The following MUSK variants were observed in gnomAD, a reference collection of about 807,000 sequenced individuals.
MUSK encodes muscle, skeletal receptor tyrosine-protein kinase.
A neutral mutation model predicts 88.7 loss-of-function variants in MUSK; 55 were observed. The ratio of observed to expected loss-of-function variants is 0.62; its 90% confidence interval spans 0.50 to 0.78. The LOEUF (loss-of-function observed/expected upper bound fraction) is 0.78, where lower values mean the gene tolerates loss of function less well. Among genes scored for constraint, MUSK ranks in the 30% least tolerant of loss-of-function variants. MUSK has a pLI of 0.00. For missense variants in MUSK, 1,015 were observed against 1,074.3 expected (o/e 0.94, Z 0.77); for synonymous variants, 387 against 391.9 (o/e 0.99, Z 0.15).
At chr9:110,741,843 G>T (rs73655611) in intron 6 of MUSK, among the ~76,000 whole-genome samples, 2,437 of 152,148 alleles carry the variant, frequency 0.016, 64 homozygotes, top group African/African-American at 0.056. Context: ...GGTTGTAAAT[G>T]CCCCTCTTTA....
chr9:110,800,065 C>A (rs1395330983), intron 14 of MUSK, among the ~76,000 whole-genome samples: 3 of 152,132 alleles, frequency 2.0e-5, no homozygotes, highest in Non-Finnish European at 4.4e-5. Context: ...CAGCGCTCTG[C>A]TGGAAGTCCT....
Position 110,682,763 on chromosome 9 carries a change from C to G in MUSK, c.169C>G (p.Pro57Ala), listed in dbSNP as rs2076149293. ...GTGTGCAGTGGAATCCTACCCCCAG[C>G]CTGAGATTTCCTGGACTAGAAATAA... The part of the protein sequence containing the change: ...FMCAVESYPQ[P>A]EISWTRNKIL... The change falls in exon 2 of 15, where the codon CCT becomes GCT. Residue 57 changes from proline to alanine, a missense_variant. Physicochemically the swap from Pro to Ala is conservative, Grantham distance 27 (BLOSUM62 -1). Coordinates refer to ENST00000374448, the MANE Select transcript of MUSK (RefSeq NM_005592.4). 6.2e-7 allele frequency: 1 copy of G among 1,612,530 alleles called. No individual in the cohort carries two copies. Among genetic ancestry groups the G allele is most frequent in the East Asian group, 2.2e-5 (1 of 44,842 alleles).
At chr9:110,787,991 A>G (rs2077904496) in intron 14 of MUSK, 153 bp downstream of exon 14, 1 of 772,564 alleles carries the variant, frequency 1.3e-6, no homozygotes, top group Non-Finnish European at 2.2e-6. Context: ...GTCTATCCCA[A>G]CCCTATAGGA....
intron 5 of MUSK, among the ~76,000 whole-genome samples, chr9:110,716,974 GCT>G (rs1449987648): frequency 1.3e-5 from 2 of 149,208 alleles, no homozygotes; most frequent in Non-Finnish European, 3.0e-5. Flanking sequence ...GTTTTCCTGT[GCT>G]CTTTGTTTGG....
chr9:110,710,560 T>C (rs1048805705), intron 5 of MUSK, among the ~76,000 whole-genome samples: 1 of 152,134 alleles, frequency 6.6e-6, no homozygotes, highest in Non-Finnish European at 1.5e-5. Flanking sequence ...AGAACATAAA[T>C]CTACTTTCAA....
In MUSK at chr9:110,805,907, G is replaced by A. The variant is rs1378418645; in HGVS notation, c.*4919G>A. Among the ~76,000 whole-genome samples the A allele has an allele frequency of 6.6e-6, 1 of 151,738 alleles. No homozygotes were observed. Among genetic ancestry groups the A allele is most frequent in the East Asian group, 1.9e-4 (1 of 5,184 alleles). On this transcript the variant is annotated 3_prime_UTR_variant, in exon 15 of 15. Coordinates refer to ENST00000374448, the MANE Select transcript of MUSK (RefSeq NM_005592.4). ...GAGTTTTGTATTGGCATTAGCATTT[G>A]TATTAGCATTGTATTAGGAAAAACT...
At chr9:110,783,845 T>C (rs1424089476) in intron 11 of MUSK, among the ~76,000 whole-genome samples, 1 of 152,162 alleles carries the variant, frequency 6.6e-6, no homozygotes, top group East Asian at 1.9e-4. Flanking sequence ...AGCACAACTT[T>C]GGCTAAATAA....
intron 6 of MUSK, among the ~76,000 whole-genome samples, chr9:110,736,253 A>G (rs2077029009): frequency 6.6e-6 from 1 of 152,152 alleles, no homozygotes; most frequent in Non-Finnish European, 1.5e-5. Flanking sequence ...CATGTACCCC[A>G]TAAATATGTA....
intron 6 of MUSK, among the ~76,000 whole-genome samples, chr9:110,743,042 C>G (rs74938998): frequency 1.2e-4 from 18 of 152,126 alleles, no homozygotes; most frequent in African/African-American, 4.1e-4. Context: ...TGAACAAAGA[C>G]GAACGCAGAG....
chr9:110,778,325 G>A lies in MUSK; in HGVS notation c.1384+1670G>A, dbSNP rs186790384. Among the ~76,000 whole-genome samples, 125 of 152,080 alleles carry A rather than the reference G, an allele frequency of 8.2e-4. 1 individual carries two copies. The highest frequency in any genetic ancestry group is 1.5e-3 in the Non-Finnish European group (105 of 67,926). On this transcript the variant is annotated intron_variant, in intron 11 of 14. Transcript: ENST00000374448. ...AAGGATTACACTATTCCTCTCTTCC[G>A]TGAGACTTCACATACTTTATTACAG... is the stretch of plus-strand genomic sequence containing the variant.
intron 6 of MUSK, among the ~76,000 whole-genome samples, chr9:110,737,114 C>A (rs1292101181): frequency 2.0e-5 from 3 of 151,972 alleles, no homozygotes; most frequent in Non-Finnish European, 4.4e-5. Context: ...TAGTTTGTTA[C>A]ATCTGTTAAA....
chr9:110,755,951 C>CATATATATATATATAT (rs1564268679), intron 7 of MUSK, among the ~76,000 whole-genome samples: 28 of 101,774 alleles, frequency 2.8e-4, no homozygotes, highest in African/African-American at 1.2e-3. Context: ...TATATATATA[C>CATATATATATATATAT]ACATATATAT....
intron 5 of MUSK, among the ~76,000 whole-genome samples, chr9:110,713,718 G>A (rs1363126282): frequency 6.6e-6 from 1 of 152,112 alleles, no homozygotes; most frequent in Non-Finnish European, 1.5e-5. Flanking sequence ...CTGGGATACT[G>A]TGGTATGATT....
rs1456701857 is a variant in MUSK at position 110,762,998 on chromosome 9, A to G, written c.920+790A>G. The stretch of plus-strand genomic sequence containing the variant: ...TTCTCATCATCAGAAAATGGTAAGT[A>G]TGTGAGGTAATGCATTTGTTAATTA... On this transcript the variant is annotated intron_variant, in intron 8 of 14. Transcript: ENST00000374448. Among the ~76,000 whole-genome samples the G allele has an allele frequency of 2.0e-5, 3 of 152,214 alleles. No homozygotes were observed. In the East Asian group the frequency reaches 5.8e-4, roughly 29 times the overall value.
chr9:110,787,823 A>C lies in MUSK; in HGVS notation c.1912A>C (p.Ile638Leu), dbSNP rs370413759. ...CATGGCAGAATTTGACAACCCTAACATTGTGAAGCTATTAGGTATGAAAAT... is the reference window on the plus strand; with the variant it reads ...CATGGCAGAATTTGACAACCCTAACCTTGTGAAGCTATTAGGTATGAAAAT... The part of the protein sequence containing the change: ...ALMAEFDNPN[I>L]VKLLGVCAVG... The change falls in exon 14 of 15, where the codon ATT (isoleucine) becomes CTT (leucine). Residue 638 changes from isoleucine to leucine, a missense_variant. By Grantham distance (5) the Ile-to-Leu change is conservative. Coordinates refer to ENST00000374448, the MANE Select transcript of MUSK (RefSeq NM_005592.4). 1.1e-5 allele frequency: 17 copies of C among 1,612,458 alleles called. No homozygotes were observed. Among genetic ancestry groups the C allele is most frequent in the Non-Finnish European group, 1.3e-5 (15 of 1,179,124 alleles).
At chr9:110,766,390 G>A (rs1193878723) in intron 8 of MUSK, among the ~76,000 whole-genome samples, 1 of 152,150 alleles carries the variant, frequency 6.6e-6, no homozygotes, top group African/African-American at 2.4e-5. Flanking sequence ...TTTTTGTGGA[G>A]TTTTGTGCTT....
At chr9:110,788,462 T>C (rs980237995) in intron 14 of MUSK, among the ~76,000 whole-genome samples, 13 of 151,946 alleles carry the variant, frequency 8.6e-5, no homozygotes, top group African/African-American at 2.9e-4. Context: ...TGAAATCCCA[T>C]CTCTACTAAA....
chr9:110,764,354 C>A (rs1048756850), intron 8 of MUSK, among the ~76,000 whole-genome samples: 3 of 152,170 alleles, frequency 2.0e-5, no homozygotes, highest in African/African-American at 4.8e-5. Flanking sequence ...GCATTTATCT[C>A]ATTCCCCAGT....
chr9:110,761,768 G>C lies in MUSK; in HGVS notation c.914-434G>C, dbSNP rs182691391. The C allele has an allele frequency of 2.2e-3, 449 of 205,008 alleles. 4 individuals are homozygous for C. Among genetic ancestry groups the C allele is most frequent in the African/African-American group, 0.01 (436 of 42,244 alleles). 12.7% of individuals were successfully genotyped at this position (205,008 alleles called of 1,614,324 possible). ...TTTTTGTATTTTTAGTAGAGATGGG[G>C]TTTCACCGTGTTAGCCAGGATGGTC... On this transcript the variant is annotated intron_variant, in intron 7 of 14. Transcript: ENST00000374448.
Sources: gnomAD v4.1 joint callset for allele counts (sites outside exome capture counted in the v4.1 genomes callset) on GRCh38, gnomAD v4.1.1 for gene constraint, MANE v1.5 for transcripts, NCBI Gene and HGNC (gene_info 2026-07-23, HGNC 2026-07-21) for gene names.